The following GMEB2 variants were observed in gnomAD, a reference collection of about 807,000 sequenced individuals.
GMEB2 encodes the protein glucocorticoid modulatory element-binding protein 2.
Under a neutral mutation model 45.7 loss-of-function variants are expected in GMEB2, and 7 were observed. That is an observed-to-expected ratio of 0.15 (90% CI 0.09 to 0.29). GMEB2 has a LOEUF of 0.29. GMEB2 is among the 10% of genes least tolerant of loss of function. GMEB2 has a pLI of 1.00. For synonymous variants in GMEB2, 322 were observed against 323.6 expected (o/e 1.00, Z 0.05); for missense variants, 582 against 739.2 (o/e 0.79, Z 2.47).
rs1345492863 is a variant in GMEB2 at position 63,590,204 on chromosome 20, G to A, written c.1478C>T (p.Ala493Val). 1.2e-6 allele frequency: 2 copies of A among 1,608,052 alleles called. No individual in the cohort carries two copies. The highest frequency in any genetic ancestry group is 4.5e-5 in the East Asian group (2 of 44,814). The stretch of plus-strand genomic sequence containing the variant: ...CACAATTGTGCTGGAGCCAGGCGAG[G>A]CCTGGGCCACGTTCTGCAGGGTGGG... ...LGPTLQNVAQ[A>V]SPGSSTIVTV... is the part of the protein sequence containing the mutation. The change falls in exon 10 of 10, where the codon GCC (alanine) becomes GTC (valine). Residue 493 changes from alanine to valine, a missense_variant. By Grantham distance (64) the Ala-to-Val change is moderately conservative (BLOSUM62 0). This residue lies in a region of GMEB2 where 462 missense variants were observed against 586.7 expected (regional missense o/e 0.79). Coordinates refer to ENST00000370077, the MANE Select transcript of GMEB2 (RefSeq NM_012384.5).
intron 1 of GMEB2, among the ~76,000 whole-genome samples, 200 bp downstream of exon 1, chr20:63,626,756 C>CCCGCCA (rs2089677446): frequency 6.8e-6 from 1 of 147,044 alleles, no homozygotes; most frequent in African/African-American, 2.4e-5. Context: ...GCCGCCCGCG[C>CCCGCCA]CCGCCACCGC....
chr20:63,602,857 A>C, intron 4 of GMEB2, 108 bp downstream of exon 4: 1 of 968,674 alleles, frequency 1.0e-6, no homozygotes. Context: ...CACTCTCCCC[A>C]GCCCTGGAGA....
rs2083169397 is a variant in GMEB2, at chr20:63,593,556, C to T, written c.620-474G>A. Among the ~76,000 whole-genome samples, 1 of 152,002 alleles carries T rather than the reference C, an allele frequency of 6.6e-6. No individual in the cohort carries two copies. The highest frequency in any genetic ancestry group is 2.1e-4 in the South Asian group (1 of 4,812). ...AGTCATCATAAATCTCAGTATCTAT[C>T]ATGTTTCCATTTTTCTACACCAGAA... On this transcript the variant is annotated intron_variant, in intron 6 of 9. Coordinates refer to ENST00000370077, the MANE Select transcript of GMEB2 (RefSeq NM_012384.5). The surrounding 1 kb of genome is among the most constrained non-coding windows in gnomAD (Gnocchi z 4.7).
rs572496809 is a variant in GMEB2 at position 63,588,010 on chromosome 20, C to A, written c.*2079G>T. On this transcript the variant is annotated 3_prime_UTR_variant, in exon 10 of 10. Transcript: ENST00000370077. ...CCCTTCCCCACGCTGGGGCTTGGAG[C>A]CCCTGCCAGAAGCAGCTGGGTTGGC... The A allele has an allele frequency of 6.6e-6, 1 of 152,406 alleles. No homozygotes were observed. Among genetic ancestry groups the A allele is most frequent in the Non-Finnish European group, 1.5e-5 (1 of 68,058 alleles). 9.4% of individuals were successfully genotyped at this position (152,406 alleles called of 1,614,324 possible). A position where few individuals can be genotyped will look rare whatever the true frequency, so the allele number is the denominator to read the frequency against.
rs373706616 is a variant in GMEB2 at position 63,599,836 on chromosome 20, G to C, written c.358-1976C>G. ...CCGTCTGCCCCCTTGCCCCCGCCTA[G>C]ACCTGTGCACGTGCAGCTACTGAGA... On this transcript the variant is annotated intron_variant, in intron 4 of 9. Transcript: ENST00000370077. 3.8e-4 allele frequency among the ~76,000 whole-genome samples: 58 copies of C among 152,278 alleles called. 1 individual carries two copies. The South Asian group carries it at 0.011, about 29-fold the overall frequency.
intron 2 of GMEB2, among the ~76,000 whole-genome samples, chr20:63,607,125 A>G (rs2089526006): frequency 1.4e-5 from 2 of 139,252 alleles, no homozygotes; most frequent in Admixed American, 1.5e-4. Context: ...AGAAACATGC[A>G]CATATGACCC....
chr20:63,595,495 G>A, intron 6 of GMEB2, 115 bp downstream of exon 6: 2 of 877,618 alleles, frequency 2.3e-6, no homozygotes, highest in Non-Finnish European at 1.7e-6. Context: ...CAGGAGACCG[G>A]CAGTCCTGGC....
At position 63,619,350 on chromosome 20, in the gene GMEB2, C is replaced by T. The variant is rs765711234; in HGVS notation, c.48G>A (p.Val16=). The change falls in exon 2 of 10, where the codon GTG becomes GTA. Residue 16 remains valine (V), a synonymous_variant. Coordinates refer to ENST00000370077, the MANE Select transcript of GMEB2 (RefSeq NM_012384.5). The surrounding 1 kb of genome is among the most constrained non-coding windows in gnomAD (Gnocchi z 4.6). ...VSVHMEEVVV[V]TTPDTAVDGS... ...CGTCCACTGCAGTGTCCGGAGTTGT[C>T]ACAACCACCACCTCCTCCATGTGCA... is the stretch of plus-strand genomic sequence containing the variant. 6.2e-7 allele frequency: 1 copy of T among 1,612,970 alleles called. No individual in the cohort carries two copies. The highest frequency in any genetic ancestry group is 1.1e-5 in the South Asian group (1 of 91,084).
chr20:63,606,427 A>G (rs1224441588), intron 2 of GMEB2, among the ~76,000 whole-genome samples: 3 of 149,336 alleles, frequency 2.0e-5, no homozygotes, highest in African/African-American at 7.4e-5. Flanking sequence ...CGCCCACTGC[A>G]AGCTCTGCCT....
At chr20:63,597,257 C>T (rs1418483907) in intron 5 of GMEB2, among the ~76,000 whole-genome samples, 1 of 150,106 alleles carries the variant, frequency 6.7e-6, no homozygotes. Context: ...GACTTCCAGG[C>T]TCCAGTGATC....
At chr20:63,617,613 C>CA (rs1466873091) in intron 2 of GMEB2, among the ~76,000 whole-genome samples, 1 of 151,942 alleles carries the variant, frequency 6.6e-6, no homozygotes, top group Non-Finnish European at 1.5e-5. Flanking sequence ...GCCACGGAGT[C>CA]ACGGCTCGGG....
Position 63,595,598 on chromosome 20 carries a change from C to A in GMEB2, c.619+12G>T. 1 of 1,596,714 alleles carries A rather than the reference C, an allele frequency of 6.3e-7. No homozygotes were observed. Among genetic ancestry groups the A allele is most frequent in the Non-Finnish European group, 8.5e-7 (1 of 1,172,672 alleles). ...TGGGGCTGGGTCAGGACGAGCAGCC[C>A]TGTGCACCTACCGTCGGCTGCGGCG... On this transcript the variant is annotated intron_variant, in intron 6 of 9. Coordinates refer to ENST00000370077, the MANE Select transcript of GMEB2 (RefSeq NM_012384.5).
Position 63,593,646 on chromosome 20 carries a change from C to T in GMEB2, c.620-564G>A, listed in dbSNP as rs916019693. Among the ~76,000 whole-genome samples the T allele has an allele frequency of 4.6e-5, 7 of 152,144 alleles. No homozygotes were observed. The highest frequency in any genetic ancestry group is 9.7e-5 in the African/African-American group (4 of 41,398). On this transcript the variant is annotated intron_variant, in intron 6 of 9. Coordinates refer to ENST00000370077, the MANE Select transcript of GMEB2 (RefSeq NM_012384.5). This position sits in a 1 kb window ranked among gnomAD's most constrained non-coding sequence, Gnocchi z 4.7. ...CCTGTGGGTCCCTCTCTCGCGCCTG[C>T]AGAACACAACTGGGCGTGTCGTTCA...
intron 2 of GMEB2, among the ~76,000 whole-genome samples, chr20:63,605,596 C>T (rs919894393): frequency 2.0e-5 from 3 of 150,950 alleles, no homozygotes; most frequent in African/African-American, 7.3e-5. Context: ...AAGCTGGTCT[C>T]GAGATCACAC....
At position 63,587,906 on chromosome 20, in the gene GMEB2, G is replaced by A. The variant is rs924193670; in HGVS notation, c.*2183C>T. 3.9e-5 allele frequency: 6 copies of A among 152,536 alleles called. No individual in the cohort carries two copies. In the East Asian group the frequency reaches 9.5e-4, roughly 24 times the overall value. The allele number at this position is 152,536 out of a possible 1,614,324, so 9.4% of individuals were successfully genotyped here. On this transcript the variant is annotated 3_prime_UTR_variant, in exon 10 of 10. Transcript: ENST00000370077. ...CCCCGAGGAGCCAGCAGGACCTGGA[G>A]GAGCCGGGGGCGGTGCTGACAACAA...
rs1236305994 is a variant in GMEB2, at chr20:63,590,491, G to A, written c.1191C>T (p.Pro397=). The A allele has an allele frequency of 3.3e-6, 5 of 1,502,724 alleles. No individual in the cohort carries two copies. Among genetic ancestry groups the A allele is most frequent in the Non-Finnish European group, 4.5e-6 (5 of 1,119,806 alleles). The allele number at this position is 1,502,724 out of a possible 1,614,324, so 93.1% of individuals were successfully genotyped here. A position where few individuals can be genotyped will look rare whatever the true frequency, so the allele number is the denominator to read the frequency against. The change falls in exon 10 of 10, where the codon CCC becomes CCT. Residue 397 remains proline (P), a synonymous_variant. Transcript: ENST00000370077. ...GVPVPQLTSV[P]LGKVVSTLPS... The stretch of plus-strand genomic sequence containing the variant: ...GCAGGGTGGACACCACTTTACCAAG[G>A]GGCACGCTGGTCAGCTGGGGGACGG...
chr20:63,602,895 C>A, intron 4 of GMEB2, 70 bp downstream of exon 4: 1 of 1,448,750 alleles, frequency 6.9e-7, no homozygotes, highest in Non-Finnish European at 9.6e-7. Context: ...CTCAGCACAG[C>A]TGCACCCCCA....
intron 2 of GMEB2, among the ~76,000 whole-genome samples, chr20:63,616,956 G>A (rs1335331471): frequency 6.6e-6 from 1 of 151,782 alleles, no homozygotes; most frequent in Non-Finnish European, 1.5e-5. Flanking sequence ...CCCTCATCCA[G>A]TAAGACTTTG....
rs2083160488 is a variant in GMEB2, at chr20:63,592,814, C to G, written c.692-144G>C. 2.5e-6 allele frequency: 2 copies of G among 798,996 alleles called. No individual in the cohort carries two copies. Among genetic ancestry groups the G allele is most frequent in the Non-Finnish European group, 4.3e-6 (2 of 466,496 alleles). The allele number at this position is 798,996 out of a possible 1,614,324, so 49.5% of individuals were successfully genotyped here. A position where few individuals can be genotyped will look rare whatever the true frequency, so the allele number is the denominator to read the frequency against. ...GGCACTGTGCTGGGCTTGCACTGCC[C>G]AGACACATCCACAGTGCCAAAATCT... is the stretch of plus-strand genomic sequence containing the variant. On this transcript the variant is annotated intron_variant, in intron 7 of 9. Transcript: ENST00000370077. The surrounding 1 kb of genome is among the most constrained non-coding windows in gnomAD (Gnocchi z 8.2).
Sources: gnomAD v4.1 joint callset for allele counts (sites outside exome capture counted in the v4.1 genomes callset) on GRCh38, gnomAD v4.1.1 for gene constraint, gnomAD v4.1.1 regional missense constraint, Gnocchi (gnomAD v3.1) non-coding constraint, MANE v1.5 for transcripts, NCBI Gene and HGNC (gene_info 2026-07-23, HGNC 2026-07-21) for gene names.